Variants in XYLT1 observed in about 807,000 individuals in gnomAD.
XYLT1 encodes the protein xylosyltransferase 1, also known as beta-D-xylosyltransferase 1.
In XYLT1, 36 loss-of-function variants were observed where a neutral mutation model predicts 91.3. The ratio of observed to expected loss-of-function variants is 0.39; its 90% CI spans 0.30 to 0.52. The LOEUF (loss-of-function observed/expected upper bound fraction) is 0.52, where lower values mean the gene tolerates loss of function less well. Ranked by LOEUF, XYLT1 falls within the 20% of genes least tolerant of loss-of-function variation. The probability of loss-of-function intolerance (pLI) is 0.68; values close to 1 mark genes in which losing one functional copy is unlikely to be tolerated. For synonymous variants in XYLT1, 588 were observed against 532.0 expected, an observed-to-expected ratio of 1.11 and a Z score of -1.45; for missense variants, 1,242 against 1,284.5, an observed-to-expected ratio of 0.97 and a Z score of 0.51.
intron 1 of XYLT1, among the ~76,000 whole-genome samples, chr16:17,440,977 T>A (rs573614393): frequency 6.6e-6 from 1 of 152,246 alleles, no homozygotes; most frequent in South Asian, 2.1e-4. Context: ...CTACCTATGT[T>A]CTGATGGCTG....
chr16:17,198,469 C>A, intron 4 of XYLT1, 55 bp from the exon 5 acceptor site: 1 of 1,548,354 alleles, frequency 6.5e-7, no homozygotes. Flanking sequence ...AATACCCAGG[C>A]ATGCCCCTCA....
At chr16:17,448,662 T>C (rs1320505001) in intron 1 of XYLT1, among the ~76,000 whole-genome samples, 4 of 117,410 alleles carry the variant, frequency 3.4e-5, no homozygotes, top group Non-Finnish European at 6.7e-5. Context: ...ATAATAATAA[T>C]GGAAGATGAG....
At chr16:17,259,851 G>A (rs1263374469) in intron 2 of XYLT1, among the ~76,000 whole-genome samples, 1 of 152,080 alleles carries the variant, frequency 6.6e-6, no homozygotes, top group African/African-American at 2.4e-5. Flanking sequence ...TTAAATTCCA[G>A]CTGAAAGTGC....
chr16:17,104,909 T>A lies in XYLT1; in HGVS notation c.*3786A>T, dbSNP rs192767525. ...ATTTCACGCATCTATGCTAGTATTC[T>A]GGGCCCCATAAACATTTGTAACCCC... On this transcript the variant is annotated 3_prime_UTR_variant, in exon 12 of 12. Coordinates refer to ENST00000261381, the MANE Select transcript of XYLT1 (RefSeq NM_022166.4). The A allele has an allele frequency of 1.3e-5, 2 of 152,420 alleles. No individual in the cohort carries two copies. Among genetic ancestry groups the A allele is most frequent in the African/African-American group, 4.8e-5 (2 of 41,574 alleles). 9.4% of individuals were successfully genotyped at this position (152,420 alleles called of 1,614,324 possible).
At chr16:17,451,789 C>A (rs756148169) in intron 1 of XYLT1, among the ~76,000 whole-genome samples, 6 of 152,104 alleles carry the variant, frequency 3.9e-5, no homozygotes, top group Non-Finnish European at 8.8e-5. Context: ...GAGCTCAAGG[C>A]ACTCAGTAAT....
intron 11 of XYLT1, among the ~76,000 whole-genome samples, chr16:17,117,365 A>G (rs1246748926): frequency 6.6e-6 from 1 of 152,138 alleles, no homozygotes; most frequent in Non-Finnish European, 1.5e-5. Flanking sequence ...TTTATTTCCC[A>G]TCTTGTCTTC....
chr16:17,426,529 G>A (rs1207563170), intron 1 of XYLT1, among the ~76,000 whole-genome samples: 1 of 152,180 alleles, frequency 6.6e-6, no homozygotes, highest in Admixed American at 6.5e-5. Context: ...CTGGGAAAAA[G>A]TGTGAGTGAG....
At chr16:17,156,762 C>T (rs774895617) in intron 6 of XYLT1, among the ~76,000 whole-genome samples, 7 of 152,114 alleles carry the variant, frequency 4.6e-5, no homozygotes, top group East Asian at 1.9e-4. Flanking sequence ...GTGGCCTGAG[C>T]GTAGTAAACT....
chr16:17,134,578 A>C lies in XYLT1; in HGVS notation c.1922T>G (p.Ile641Ser). 6.2e-7 allele frequency: 1 copy of C among 1,614,174 alleles called. No individual in the cohort carries two copies. The highest frequency in any genetic ancestry group is 8.5e-7 in the Non-Finnish European group (1 of 1,180,032). ...GAGTGTCACGTCGCTCAGGCTGTGG[A>C]TGCCGTCAGGCTCATCGTAGACATT... ...WENVYDEPDG[I>S]HSLSDVTLTL... The change falls in exon 9 of 12, where the codon ATC becomes AGC. Residue 641 changes from isoleucine to serine, a missense_variant. Ile to Ser is a moderately radical substitution (Grantham distance 142). Around this residue, in one of 3 missense-constraint regions of XYLT1, gnomAD observed 511 missense variants for 497.0 expected, o/e 1.03. Transcript: ENST00000261381.
intron 2 of XYLT1, among the ~76,000 whole-genome samples, chr16:17,301,662 A>G (rs1299171343): frequency 5.3e-5 from 8 of 152,202 alleles, no homozygotes; most frequent in African/African-American, 1.9e-4. Flanking sequence ...AAGTTTAAAT[A>G]CAATAATAGA....
intron 2 of XYLT1, chr16:17,338,575 A>G (rs1209483019): frequency 2.2e-6 from 1 of 450,126 alleles, no homozygotes. Flanking sequence ...CTCTGTCGGG[A>G]ATGGTCTTTC....
intron 2 of XYLT1, among the ~76,000 whole-genome samples, chr16:17,270,917 G>C (rs2033878588): frequency 6.6e-6 from 1 of 152,102 alleles, no homozygotes. Context: ...CCTTCAAATG[G>C]GGCCAGTGAG....
chr16:17,197,126 T>C (rs1408503506), intron 5 of XYLT1, among the ~76,000 whole-genome samples: 3 of 151,292 alleles, frequency 2.0e-5, no homozygotes, highest in Admixed American at 6.6e-5. Context: ...CACCACGATC[T>C]GGCCTCAAAT....
At chr16:17,135,413 T>G (rs1271934696) in intron 8 of XYLT1, among the ~76,000 whole-genome samples, 1 of 152,026 alleles carries the variant, frequency 6.6e-6, no homozygotes, top group Non-Finnish European at 1.5e-5. Context: ...TCCCAGCTGC[T>G]CAGGAGGCTG....
At chr16:17,450,713 T>C (rs2036655281) in intron 1 of XYLT1, among the ~76,000 whole-genome samples, 1 of 152,132 alleles carries the variant, frequency 6.6e-6, no homozygotes, top group Admixed American at 6.5e-5. Flanking sequence ...AAAGTCGAGA[T>C]CACTTTGTCT....
chr16:17,283,492 ACTC>A (rs756891226), intron 2 of XYLT1, among the ~76,000 whole-genome samples: 85 of 151,516 alleles, frequency 5.6e-4, no homozygotes, highest in South Asian at 1.0e-3. Flanking sequence ...ACACGCACAC[ACTC>A]CTCGCCTGCC....
At chr16:17,316,005 G>A (rs73531411) in intron 2 of XYLT1, among the ~76,000 whole-genome samples, 1,802 of 152,230 alleles carry the variant, frequency 0.012, 37 homozygotes, top group African/African-American at 0.042. Flanking sequence ...AGCCGCACCT[G>A]GGTCAGATCC....
At chr16:17,184,642 A>G (rs1033502457) in intron 5 of XYLT1, among the ~76,000 whole-genome samples, 4 of 152,240 alleles carry the variant, frequency 2.6e-5, no homozygotes, top group Non-Finnish European at 4.4e-5. Context: ...AACGGCTACC[A>G]TACAGGATGG....
chr16:17,393,269 G>A lies in XYLT1; in HGVS notation c.364-35219C>T, dbSNP rs540392378. Among the ~76,000 whole-genome samples, 8 of 152,316 alleles carry A rather than the reference G, an allele frequency of 5.3e-5. No individual in the cohort carries two copies. The South Asian group carries it at 1.7e-3, about 32-fold the overall frequency. ...AGCAGGTGGATCTGAAGGTGATGGT[G>A]TGTATTTTACATGACGGCATACCTC... On this transcript the variant is annotated intron_variant, in intron 1 of 11. Coordinates refer to ENST00000261381, the MANE Select transcript of XYLT1 (RefSeq NM_022166.4).
Sources: gnomAD v4.1 joint callset for allele counts (sites outside exome capture counted in the v4.1 genomes callset) on GRCh38, gnomAD v4.1.1 for gene constraint, gnomAD v4.1.1 regional missense constraint, MANE v1.5 for transcripts, NCBI Gene and HGNC (gene_info 2026-07-23, HGNC 2026-07-21) for gene names.